Variants in PLEKHG4B observed in about 807,000 individuals in gnomAD.
PLEKHG4B encodes pleckstrin homology domain-containing family G member 4B.
In PLEKHG4B, 111 loss-of-function variants were observed where a neutral mutation model predicts 121.3. The observed-to-expected ratio is 0.92, with a 90% CI of 0.78 to 1.07. PLEKHG4B has a LOEUF of 1.07. Among genes scored for constraint, PLEKHG4B ranks in the 50% least tolerant of loss-of-function variants. The pLI, the probability that PLEKHG4B is intolerant of heterozygous loss-of-function variation, is 0.00. For synonymous variants in PLEKHG4B, 738 were observed against 725.0 expected (o/e 1.02, Z -0.29); for missense variants, 1,831 against 1,757.8 (o/e 1.04, Z -0.74).
intron 7 of PLEKHG4B, among the ~76,000 whole-genome samples, chr5:151,862 ATCT>A (rs903468781): frequency 6.6e-5 from 10 of 152,172 alleles, no homozygotes; most frequent in African/African-American, 2.2e-4. Flanking sequence ...ATCTGAAAAC[ATCT>A]TCTTCATTTG....
intron 3 of PLEKHG4B, among the ~76,000 whole-genome samples, chr5:141,361 C>T (rs1735194649): frequency 6.8e-6 from 1 of 147,642 alleles, no homozygotes; most frequent in Non-Finnish European, 1.5e-5. Context: ...AAGCTGTGGG[C>T]AGAGTGTGTT....
intron 2 of PLEKHG4B, among the ~76,000 whole-genome samples, chr5:130,366 G>A (rs1259430587): frequency 6.6e-6 from 1 of 152,120 alleles, no homozygotes; most frequent in Non-Finnish European, 1.5e-5. Context: ...AAATACATAA[G>A]GAAATGTTAA....
At chr5:95,709 G>A (rs1733610781) in intron 1 of PLEKHG4B, among the ~76,000 whole-genome samples, 1 of 152,142 alleles carries the variant, frequency 6.6e-6, no homozygotes, top group African/African-American at 2.4e-5. Flanking sequence ...AGATTGTCAA[G>A]AATAAAAATG....
In PLEKHG4B at chr5:187,859, T is replaced by A. The variant is rs1173096031; in HGVS notation, c.*5536T>A. 6.6e-6 allele frequency: 1 copy of A among 152,224 alleles called. No homozygotes were observed. Among genetic ancestry groups the A allele is most frequent in the Non-Finnish European group, 1.5e-5 (1 of 68,094 alleles). The allele number at this position is 152,224 out of a possible 1,614,324, so 9.4% of individuals were successfully genotyped here. On this transcript the variant is annotated 3_prime_UTR_variant, in exon 20 of 20. Coordinates refer to ENST00000637938, the MANE Select transcript of PLEKHG4B (RefSeq NM_052909.5). ...CACCCAGAGGGCTGGCAGGGTCACATGGAGGCAGGGGACCCTTGGCCCCAG... is the reference window on the plus strand; with the variant it reads ...CACCCAGAGGGCTGGCAGGGTCACAAGGAGGCAGGGGACCCTTGGCCCCAG...
chr5:182,712 C>T lies in PLEKHG4B; in HGVS notation c.*389C>T, dbSNP rs1180850453. 1.3e-5 allele frequency: 3 copies of T among 236,040 alleles called. No individual in the cohort carries two copies. The highest frequency in any genetic ancestry group is 9.6e-5 in the East Asian group (1 of 10,412). The allele number at this position is 236,040 out of a possible 1,614,324, so 14.6% of individuals were successfully genotyped here. A position where few individuals can be genotyped will look rare whatever the true frequency, so the allele number is the denominator to read the frequency against. The stretch of plus-strand genomic sequence containing the variant: ...CCGGTGATGGCCTCAGACCTCCCTC[C>T]GCCTTGAGAGTTTGCAGGCCTCAGT... On this transcript the variant is annotated 3_prime_UTR_variant, in exon 20 of 20. Coordinates refer to ENST00000637938, the MANE Select transcript of PLEKHG4B (RefSeq NM_052909.5).
At position 163,330 on chromosome 5, in the gene PLEKHG4B, C is replaced by T. The variant is rs770724546; in HGVS notation, c.3258C>T (p.Phe1086=). Residue 1086 remains phenylalanine (F), a synonymous_variant, in exon 13 of 20, where the codon TTC becomes TTT. Coordinates refer to ENST00000637938, the MANE Select transcript of PLEKHG4B (RefSeq NM_052909.5). Reference sequence around the variant, plus strand: ...AAATGATAAAGAAAACGCAAAGTTTCGAGATACCTCAGCCCGACAGTGGCC... The same window carrying T: ...AAATGATAAAGAAAACGCAAAGTTTTGAGATACCTCAGCCCGACAGTGGCC... ...QKKMIKKTQS[F]EIPQPDSGPR... 3.2e-5 allele frequency: 52 copies of T among 1,613,292 alleles called. No homozygotes were observed. The highest frequency in any genetic ancestry group is 1.6e-4 in the Middle Eastern group (1 of 6,084).
chr5:126,111 G>A (rs1002977704), intron 2 of PLEKHG4B, among the ~76,000 whole-genome samples: 1 of 152,124 alleles, frequency 6.6e-6, no homozygotes, highest in African/African-American at 2.4e-5. Context: ...AGCTTATCAG[G>A]CTTCTTGGAT....
Position 171,203 on chromosome 5 carries a change from G to A in PLEKHG4B, c.3820-11G>A, listed in dbSNP as rs1171923426. 6 of 1,603,042 alleles carry A rather than the reference G, an allele frequency of 3.7e-6. No homozygotes were observed. The highest frequency in any genetic ancestry group is 2.7e-5 in the African/African-American group (2 of 74,882). Reference sequence around the variant, plus strand: ...CAGGCCGGAGCTGACCCTCTCACCCGGCCCTTGCAGGACAAGCAGCGGGAG... The same window carrying A: ...CAGGCCGGAGCTGACCCTCTCACCCAGCCCTTGCAGGACAAGCAGCGGGAG... On this transcript the variant is annotated splice_polypyrimidine_tract_variant and intron_variant, in intron 15 of 19. Coordinates refer to ENST00000637938, the MANE Select transcript of PLEKHG4B (RefSeq NM_052909.5).
rs985780098 is a variant in PLEKHG4B at position 92,185 on chromosome 5, G to A, written c.-47G>A. The A allele has an allele frequency of 1.6e-5, 6 of 375,076 alleles. No individual in the cohort carries two copies. Among genetic ancestry groups the A allele is most frequent in the African/African-American group, 1.1e-4 (5 of 46,820 alleles). The allele number at this position is 375,076 out of a possible 1,614,324, so 23.2% of individuals were successfully genotyped here. On this transcript the variant is annotated 5_prime_UTR_variant, in exon 1 of 20. Coordinates refer to ENST00000637938, the MANE Select transcript of PLEKHG4B (RefSeq NM_052909.5). ...CTCGGCCCAGTGCACAGCGGGACCA[G>A]GCAGAGTTCGGGGAAAGCGTCGGAG...
intron 18 of PLEKHG4B, among the ~76,000 whole-genome samples, chr5:177,925 G>A (rs975985252): frequency 2.0e-5 from 3 of 151,994 alleles, no homozygotes; most frequent in African/African-American, 7.3e-5. Flanking sequence ...TGTGTGCTTA[G>A]GAAATTGTAT....
intron 1 of PLEKHG4B, among the ~76,000 whole-genome samples, chr5:107,593 C>A (rs138267112): frequency 6.6e-6 from 1 of 152,218 alleles, no homozygotes; most frequent in South Asian, 2.1e-4. Flanking sequence ...AGACTCAGGG[C>A]GCTGCTGAGG....
At chr5:130,818 T>C (rs1319893476) in intron 2 of PLEKHG4B, among the ~76,000 whole-genome samples, 3 of 152,226 alleles carry the variant, frequency 2.0e-5, no homozygotes, top group African/African-American at 7.2e-5. Flanking sequence ...ACTGGAACTA[T>C]TCAGAACATG....
rs1579307976 is a variant in PLEKHG4B at position 162,600 on chromosome 5, C to T, written c.2650-122C>T. Reference sequence around the variant, plus strand: ...CCCCCACTGGGTGGCGGGACTGCCTCTCGCTCTGCTTTCTGGCCCCCTGGT... The same window carrying T: ...CCCCCACTGGGTGGCGGGACTGCCTTTCGCTCTGCTTTCTGGCCCCCTGGT... On this transcript the variant is annotated intron_variant, in intron 12 of 19. Transcript: ENST00000637938. 9 of 711,842 alleles carry T rather than the reference C, an allele frequency of 1.3e-5. No homozygotes were observed. In the East Asian group the frequency reaches 2.9e-4, roughly 23 times the overall value. The allele number at this position is 711,842 out of a possible 1,614,324, so 44.1% of individuals were successfully genotyped here. A position where few individuals can be genotyped will look rare whatever the true frequency, so the allele number is the denominator to read the frequency against.
At chr5:151,415 CTA>C in intron 6 of PLEKHG4B, 96 bp from the exon 7 acceptor site, 2 of 696,894 alleles carry the variant, frequency 2.9e-6, no homozygotes, top group Non-Finnish European at 2.3e-6. Context: ...CTCTGGGAAA[CTA>C]TGACAGAAGT....
intron 6 of PLEKHG4B, among the ~76,000 whole-genome samples, chr5:146,611 C>T: frequency 7.7e-6 from 1 of 129,108 alleles, no homozygotes; most frequent in Non-Finnish European, 1.7e-5. Flanking sequence ...TCCCTCCTCT[C>T]CCCCAACCCT....
intron 2 of PLEKHG4B, among the ~76,000 whole-genome samples, chr5:138,401 A>C (rs1017132175): frequency 6.6e-6 from 1 of 152,216 alleles, no homozygotes; most frequent in South Asian, 2.1e-4. Context: ...TCAGCCACCT[A>C]GGGATGCTCA....
In PLEKHG4B at chr5:157,373, A is replaced by G. The variant is rs376044004; in HGVS notation, c.2487+462A>G. Among the ~76,000 whole-genome samples the G allele has an allele frequency of 6.6e-6, 1 of 152,154 alleles. No homozygotes were observed. The highest frequency in any genetic ancestry group is 6.5e-5 in the Admixed American group (1 of 15,280). On this transcript the variant is annotated intron_variant, in intron 11 of 19. Coordinates refer to ENST00000637938, the MANE Select transcript of PLEKHG4B (RefSeq NM_052909.5). This position sits in a 1 kb window ranked among gnomAD's most constrained non-coding sequence, Gnocchi z 4.6. ...GCTCTGGAGGCCAGGGAGAGGCTCA[A>G]GGTTTTAAAGAAAAGAGGACAAATC...
chr5:115,738 T>G (rs1734287145), intron 2 of PLEKHG4B, among the ~76,000 whole-genome samples: 1 of 152,250 alleles, frequency 6.6e-6, no homozygotes, highest in Non-Finnish European at 1.5e-5. Context: ...AACTCACCTC[T>G]GTTAGCTTCA....
intron 1 of PLEKHG4B, among the ~76,000 whole-genome samples, chr5:112,129 G>A (rs549828878): frequency 6.6e-6 from 1 of 152,340 alleles, no homozygotes; most frequent in South Asian, 2.1e-4. Context: ...GTGAGAACGA[G>A]CCAGTGTGTG....
Sources: allele counts gnomAD v4.1 joint callset (sites outside exome capture counted in the v4.1 genomes callset), GRCh38; gene constraint gnomAD v4.1.1; non-coding constraint Gnocchi (gnomAD v3.1); transcripts MANE v1.5; gene names NCBI Gene and HGNC (gene_info 2026-07-23, HGNC 2026-07-21).